SCYL2: variants seen among roughly 807,000 people sequenced by gnomAD.
The protein encoded by SCYL2 is SCY1 like pseudokinase 2.
A neutral mutation model predicts 100.4 loss-of-function variants in SCYL2; 36 were observed. The observed-to-expected ratio is 0.36, with a 90% confidence interval of 0.27 to 0.47. SCYL2 has a LOEUF of 0.47. Among genes scored for constraint, SCYL2 ranks in the 20% least tolerant of loss-of-function variants. SCYL2 has a pLI of 1.00. For missense variants in SCYL2, 902 were observed against 1,083.9 expected (o/e 0.83, Z 2.36); for synonymous variants, 330 against 359.2 (o/e 0.92, Z 0.92).
Position 100,340,337 on chromosome 12 carries a change from A to G in SCYL2, c.*1165A>G, listed in dbSNP as rs1238967304. The G allele has an allele frequency of 6.6e-6, 1 of 152,154 alleles. No individual in the cohort carries two copies. The highest frequency in any genetic ancestry group is 2.4e-5 in the African/African-American group (1 of 41,466). The allele number at this position is 152,154 out of a possible 1,614,324, so 9.4% of individuals were successfully genotyped here. On this transcript the variant is annotated 3_prime_UTR_variant, in exon 18 of 18. Coordinates refer to ENST00000360820, the MANE Select transcript of SCYL2 (RefSeq NM_017988.6). ...AACAGGAAACATGCTTTATTTTTCA[A>G]AACCTTTCTCTGATATTTTTCTTTA... is the stretch of plus-strand genomic sequence containing the variant.
chr12:100,339,067 T>A lies in SCYL2; in HGVS notation c.2685T>A (p.Gly895=), dbSNP rs772259098. The A allele has an allele frequency of 6.2e-7, 1 of 1,614,082 alleles. No homozygotes were observed. Among genetic ancestry groups the A allele is most frequent in the African/African-American group, 1.3e-5 (1 of 75,044 alleles). The change falls in exon 18 of 18, where the codon GGT becomes GGA. Residue 895 remains glycine, a synonymous_variant. Coordinates refer to ENST00000360820, the MANE Select transcript of SCYL2 (RefSeq NM_017988.6). ...QMNVIGQSAF[G]MQGNPFFNPQ... ...ACGTGATAGGACAATCTGCTTTTGG[T>A]ATGCAGGGTAATCCTTTCTTTAACC...
At chr12:100,317,663 T>C (rs1592959284) in intron 9 of SCYL2, 140 bp from the exon 10 acceptor site, 1 of 1,407,788 alleles carries the variant, frequency 7.1e-7, no homozygotes, top group Middle Eastern at 2.6e-4. Flanking sequence ...TGTGTGTTTT[T>C]GTCTTCCACG....
chr12:100,268,859 A>G (rs11110324), intron 1 of SCYL2, among the ~76,000 whole-genome samples: 18,552 of 152,132 alleles, frequency 0.12, 1,495 homozygotes, highest in Non-Finnish European at 0.18. Context: ...AAGTTTGACA[A>G]TTCCTCTGTC....
chr12:100,295,272 C>T (rs1227336911), intron 3 of SCYL2, among the ~76,000 whole-genome samples: 4 of 151,654 alleles, frequency 2.6e-5, no homozygotes, highest in African/African-American at 4.8e-5. Flanking sequence ...CAGGCAGAGA[C>T]GCTCCTCACT....
intron 2 of SCYL2, among the ~76,000 whole-genome samples, chr12:100,283,595 G>A (rs1013394983): frequency 2.0e-5 from 3 of 152,102 alleles, no homozygotes; most frequent in Admixed American, 6.5e-5. Context: ...GTGAGCCACC[G>A]TGCCCGGCCA....
Position 100,312,520 on chromosome 12 carries a change from C to G in SCYL2, c.719C>G (p.Ser240Cys). 6.2e-7 allele frequency: 1 copy of G among 1,613,696 alleles called. No individual in the cohort carries two copies. The highest frequency in any genetic ancestry group is 8.5e-7 in the Non-Finnish European group (1 of 1,179,760). ...PEYLAPEYIL[S>C]VSCETASDMY... is the part of the protein sequence containing the mutation. ...TATTTGGCTCCTGAATACATACTTT[C>G]TGTGAGCTGTGAAACAGCCAGTGAT... Residue 240 changes from serine to cysteine, a missense_variant, in exon 6 of 18, where the codon TCT becomes TGT. Ser to Cys is a moderately radical substitution (Grantham distance 112). Coordinates refer to ENST00000360820, the MANE Select transcript of SCYL2 (RefSeq NM_017988.6).
intron 11 of SCYL2, chr12:100,323,884 T>C (rs1436452780): frequency 8.1e-6 from 2 of 247,306 alleles, no homozygotes; most frequent in Non-Finnish European, 1.5e-5. Flanking sequence ...GGGTGATTAT[T>C]TTTTTCTTAA....
rs373285541 is a variant in SCYL2, at chr12:100,282,924, T to G, written c.-28-19T>G. ...AGATAAGAAATGATCAGTTCTCCAC[T>G]ATCCTTCTGTTTTTCTAGGTAACTA... On this transcript the variant is annotated intron_variant, in intron 1 of 17. Coordinates refer to ENST00000360820, the MANE Select transcript of SCYL2 (RefSeq NM_017988.6). 53 of 1,257,984 alleles carry G rather than the reference T, an allele frequency of 4.2e-5. No homozygotes were observed. Among genetic ancestry groups the G allele is most frequent in the Non-Finnish European group, 5.4e-5 (48 of 893,162 alleles). The allele number at this position is 1,257,984 out of a possible 1,614,324, so 77.9% of individuals were successfully genotyped here.
intron 1 of SCYL2, among the ~76,000 whole-genome samples, chr12:100,281,730 A>T (rs2096298626): frequency 6.6e-6 from 1 of 150,830 alleles, no homozygotes; most frequent in African/African-American, 2.4e-5. Flanking sequence ...GCTACTCGGG[A>T]GGCTGAGGCA....
chr12:100,322,951 C>G (rs2135921170), intron 10 of SCYL2, among the ~76,000 whole-genome samples: 1 of 150,278 alleles, frequency 6.7e-6, no homozygotes, highest in South Asian at 2.1e-4. Context: ...TCCCACAAGA[C>G]TGGGAGGTTG....
intron 11 of SCYL2, among the ~76,000 whole-genome samples, chr12:100,324,922 A>G (rs2096359997): frequency 6.6e-6 from 1 of 152,176 alleles, no homozygotes; most frequent in South Asian, 2.1e-4. Context: ...TTATATTAAC[A>G]TACATTTTCT....
chr12:100,287,981 G>T (rs2096306257), intron 2 of SCYL2, among the ~76,000 whole-genome samples: 1 of 152,202 alleles, frequency 6.6e-6, no homozygotes, highest in South Asian at 2.1e-4. Context: ...CAAGAGGATT[G>T]TAATATATAT....
chr12:100,333,528 GT>G (rs1952237375), intron 13 of SCYL2: 1 of 152,222 alleles, frequency 6.6e-6, no homozygotes, highest in African/African-American at 2.4e-5. Context: ...CTGTAACGTG[GT>G]GTTATTCAAA....
chr12:100,292,902 C>G (rs551295983), intron 3 of SCYL2, among the ~76,000 whole-genome samples: 1 of 152,206 alleles, frequency 6.6e-6, no homozygotes, highest in Non-Finnish European at 1.5e-5. Flanking sequence ...ACTGCAGCCT[C>G]GAACTCCTGG....
intron 4 of SCYL2, among the ~76,000 whole-genome samples, chr12:100,299,565 T>C (rs1023087137): frequency 3.5e-4 from 54 of 152,342 alleles, no homozygotes; most frequent in African/African-American, 1.3e-3. Context: ...TGACCTGCTT[T>C]CTATCACTAT....
chr12:100,324,059 A>G (rs886879446), intron 11 of SCYL2, among the ~76,000 whole-genome samples: 6 of 152,106 alleles, frequency 3.9e-5, no homozygotes, highest in Non-Finnish European at 8.8e-5. Flanking sequence ...TGACTTGCCC[A>G]CTTCTTAAAA....
rs1304610279 is a variant in SCYL2, at chr12:100,338,798, A to G, written c.2416A>G (p.Met806Val). The G allele has an allele frequency of 8.7e-6, 14 of 1,614,026 alleles. No individual in the cohort carries two copies. Among genetic ancestry groups the G allele is most frequent in the Admixed American group, 3.3e-5 (2 of 59,992 alleles). Residue 806 changes from methionine (M) to valine (V), a missense_variant, in exon 18 of 18, where the codon ATG becomes GTG. Physicochemically the swap from Met to Val is conservative, Grantham distance 21. Transcript: ENST00000360820. ...TCCAAGCACAGTTGGAGTGACCAAGATGACTCTGGGAACACCTCCCACTTT... is the reference window on the plus strand; with the variant it reads ...TCCAAGCACAGTTGGAGTGACCAAGGTGACTCTGGGAACACCTCCCACTTT... ...SSPSTVGVTK[M>V]TLGTPPTLPN...
chr12:100,335,944 A>G (rs977690226), intron 16 of SCYL2, 38 bp downstream of exon 16: 2 of 1,475,730 alleles, frequency 1.4e-6, no homozygotes, highest in East Asian at 4.5e-5. Flanking sequence ...CTCTTATTTT[A>G]TGCTGTAGGA....
At chr12:100,295,569 C>T (rs937902012) in intron 3 of SCYL2, among the ~76,000 whole-genome samples, 1 of 151,068 alleles carries the variant, frequency 6.6e-6, no homozygotes, top group African/African-American at 2.5e-5. Context: ...CGTGGCAGCG[C>T]GTGCCTGCAA....
Sources: gnomAD v4.1 joint callset for allele counts (sites outside exome capture counted in the v4.1 genomes callset) on GRCh38, gnomAD v4.1.1 for gene constraint, MANE v1.5 for transcripts, NCBI Gene and HGNC (gene_info 2026-07-23, HGNC 2026-07-21) for gene names.